Variants in RAB40C observed in about 807,000 individuals in gnomAD.
The protein encoded by RAB40C is ras-related protein Rab-40C.
RAB40C carries 8 observed loss-of-function variants against 28.1 expected under a neutral mutation model. The observed-to-expected ratio is 0.28, with a 90% CI of 0.17 to 0.51. The LOEUF is 0.51. Ranked by LOEUF, RAB40C falls within the 20% of genes least tolerant of loss-of-function variation. The pLI, the probability that RAB40C is intolerant of heterozygous loss-of-function variation, is 0.97. For missense variants in RAB40C, 288 were observed against 405.9 expected (o/e 0.71, Z 2.50); for synonymous variants, 201 against 171.7 (o/e 1.17, Z -1.34).
chr16:607,904 C>T (rs1415525720), intron 1 of RAB40C, among the ~76,000 whole-genome samples: 1 of 152,106 alleles, frequency 6.6e-6, no homozygotes, highest in Non-Finnish European at 1.5e-5. Flanking sequence ...CATTTTCAGA[C>T]CCCTTCCTCC....
intron 3 of RAB40C, among the ~76,000 whole-genome samples, chr16:619,761 C>T (rs1332810072): frequency 6.6e-6 from 1 of 152,224 alleles, no homozygotes; most frequent in Non-Finnish European, 1.5e-5. Context: ...TGGGTCCGCT[C>T]TGGGCAGGAA....
At chr16:591,910 A>G (rs1032943287) in intron 1 of RAB40C, among the ~76,000 whole-genome samples, 7 of 152,134 alleles carry the variant, frequency 4.6e-5, no homozygotes, top group African/African-American at 1.7e-4. Context: ...GTTTGTTTTT[A>G]ACTTCCAGTG....
At chr16:605,140 G>A (rs867227538) in intron 1 of RAB40C, among the ~76,000 whole-genome samples, 2 of 152,146 alleles carry the variant, frequency 1.3e-5, no homozygotes, top group East Asian at 1.9e-4. Context: ...CAGGAGGATC[G>A]TGTGAGCCCT....
intron 3 of RAB40C, among the ~76,000 whole-genome samples, chr16:620,801 G>A (rs1186883673): frequency 9.3e-6 from 1 of 107,828 alleles, no homozygotes; most frequent in Non-Finnish European, 1.9e-5. Context: ...GCCCCCCGCC[G>A]ACGGGCTCCA....
intron 1 of RAB40C, among the ~76,000 whole-genome samples, chr16:604,061 C>CTTTTTTTTTTTTTT (rs71299921): frequency 7.2e-6 from 1 of 138,672 alleles, no homozygotes; most frequent in Non-Finnish European, 1.6e-5. Context: ...TTTTCTTTTT[C>CTTTTTTTTTTTTTT]TTTTTTTTTT....
intron 1 of RAB40C, among the ~76,000 whole-genome samples, chr16:605,389 C>T (rs1163851018): frequency 1.3e-5 from 2 of 152,172 alleles, no homozygotes; most frequent in Non-Finnish European, 2.9e-5. Flanking sequence ...CAAAAAAACC[C>T]CTTTAAAGTC....
At chr16:605,518 C>G (rs1220848496) in intron 1 of RAB40C, among the ~76,000 whole-genome samples, 1 of 152,244 alleles carries the variant, frequency 6.6e-6, no homozygotes, top group Admixed American at 6.5e-5. Context: ...GTGGACTCAT[C>G]TGCCTTGTCT....
chr16:629,180 A>C lies in RAB40C; in HGVS notation c.*1558A>C, dbSNP rs529261613. ...TGGATGGTCCTGCATTCACGGCATC[A>C]ACACTACCCGCGCTGCTGTTAGACA... is the stretch of plus-strand genomic sequence containing the variant. On this transcript the variant is annotated 3_prime_UTR_variant, in exon 6 of 6. Transcript: ENST00000248139. 1 of 216,576 alleles carries C rather than the reference A, an allele frequency of 4.6e-6. No homozygotes were observed. The highest frequency in any genetic ancestry group is 9.7e-6 in the Non-Finnish European group (1 of 103,158). The allele number at this position is 216,576 out of a possible 1,614,324, so 13.4% of individuals were successfully genotyped here. A position where few individuals can be genotyped will look rare whatever the true frequency, so the allele number is the denominator to read the frequency against.
chr16:596,200 A>G, intron 1 of RAB40C: 5 of 431,098 alleles, frequency 1.2e-5, no homozygotes, highest in South Asian at 8.3e-5. Context: ...ACGATGAGCT[A>G]AATTGAACAG....
chr16:596,240 C>T lies in RAB40C; in HGVS notation c.142+5807C>T, dbSNP rs1270909133. On this transcript the variant is annotated intron_variant, in intron 1 of 5. Transcript: ENST00000248139. Reference sequence around the variant, plus strand: ...TCAGGAAGGAAGCCACATCGGGGAGCTGAGAGGTGGGCGGGAAGGACACAA... The same window carrying T: ...TCAGGAAGGAAGCCACATCGGGGAGTTGAGAGGTGGGCGGGAAGGACACAA... 1.5e-5 allele frequency: 7 copies of T among 452,538 alleles called. No homozygotes were observed. In the Admixed American group the frequency reaches 1.7e-4, roughly 11 times the overall value. The allele number at this position is 452,538 out of a possible 1,614,324, so 28.0% of individuals were successfully genotyped here. A position where few individuals can be genotyped will look rare whatever the true frequency, so the allele number is the denominator to read the frequency against.
At chr16:591,421 G>A (rs948575801) in intron 1 of RAB40C, among the ~76,000 whole-genome samples, 5 of 152,170 alleles carry the variant, frequency 3.3e-5, no homozygotes, top group Non-Finnish European at 7.3e-5. Flanking sequence ...AGGTGCTGCT[G>A]GGCTGCTCTT....
At chr16:592,971 C>G (rs2036033670) in intron 1 of RAB40C, among the ~76,000 whole-genome samples, 1 of 152,372 alleles carries the variant, frequency 6.6e-6, no homozygotes, top group South Asian at 2.1e-4. Context: ...ACTTCAGAGG[C>G]TCACAGTGGC....
chr16:591,366 G>T, intron 1 of RAB40C, among the ~76,000 whole-genome samples: 1 of 152,170 alleles, frequency 6.6e-6, no homozygotes, highest in Admixed American at 6.5e-5. Flanking sequence ...CTGGGGAAAG[G>T]TGTCATGGGC....
intron 1 of RAB40C, among the ~76,000 whole-genome samples, chr16:606,675 G>A (rs1467871195): frequency 2.0e-5 from 3 of 152,226 alleles, no homozygotes; most frequent in African/African-American, 7.2e-5. Flanking sequence ...CTGGGTGCAA[G>A]CCGAGCCTTT....
At chr16:599,090 C>G (rs942852563) in intron 1 of RAB40C, among the ~76,000 whole-genome samples, 1 of 152,264 alleles carries the variant, frequency 6.6e-6, no homozygotes, top group African/African-American at 2.4e-5. Flanking sequence ...CATCAGGATT[C>G]AGGACTCTGA....
chr16:594,771 A>G (rs189135848), intron 1 of RAB40C, among the ~76,000 whole-genome samples: 1 of 150,858 alleles, frequency 6.6e-6, no homozygotes, highest in Admixed American at 6.6e-5. Context: ...ACTGCAGCCC[A>G]GAGTCCCTTC....
intron 1 of RAB40C, among the ~76,000 whole-genome samples, chr16:603,827 TC>T: frequency 6.6e-6 from 1 of 152,180 alleles, no homozygotes. Context: ...TTTTTCCTGT[TC>T]CAGACATCAT....
chr16:625,590 C>T (rs1214279985), intron 4 of RAB40C, 81 bp downstream of exon 4: 26 of 1,400,504 alleles, frequency 1.9e-5, no homozygotes, highest in Middle Eastern at 1.8e-4. Context: ...TCTGGATTCC[C>T]GCCTGCCGCC....
intron 5 of RAB40C, among the ~76,000 whole-genome samples, chr16:626,923 C>T (rs577102137): frequency 2.0e-5 from 3 of 152,310 alleles, no homozygotes; most frequent in African/African-American, 4.8e-5. Context: ...GGCGACAGAG[C>T]GAGACCCGTC....
Sources: gnomAD v4.1 joint callset for allele counts (sites outside exome capture counted in the v4.1 genomes callset) on GRCh38, gnomAD v4.1.1 for gene constraint, MANE v1.5 for transcripts, NCBI Gene and HGNC (gene_info 2026-07-23, HGNC 2026-07-21) for gene names.